CUL4B: variants seen among roughly 807,000 people sequenced by gnomAD.
CUL4B encodes cullin-4B.
A neutral mutation model predicts 69.2 loss-of-function variants in CUL4B; 1 was observed. The observed-to-expected ratio is 0.01, with a 90% CI of 0.01 to 0.07. The LOEUF (loss-of-function observed/expected upper bound fraction) is 0.07. Ranked by LOEUF, CUL4B falls within the 10% of genes least tolerant of loss-of-function variation. The pLI is 1.00. For missense variants in CUL4B, 328 were observed against 638.8 expected (o/e 0.51, Z 5.24); for synonymous variants, 237 against 223.2 (o/e 1.06, Z -0.55).
At chrX:120,566,379 A>ATATATG, upstream of CUL4B, among the ~76,000 whole-genome samples, 1 of 65,779 alleles carries the variant, frequency 1.5e-5, no homozygotes, top group African/African-American at 4.6e-5. Context: ...ATATATATAT[A>ATATATG]TATATATATA....
At chrX:120,559,648 A>G (rs1340837222) in intron 1 of CUL4B, 1 of 318,397 alleles carries the variant, frequency 3.1e-6, no homozygotes, top group South Asian at 4.3e-5. Context: ...TAAAAAGATC[A>G]CTATTGCTAC....
rs61752965 is a variant in CUL4B at position 120,535,891 on chromosome X, C to A, written c.2099G>T (p.Gly700Val). The change falls in exon 16 of 20, where the codon GGC (glycine) becomes GTC (valine). Residue 700 changes from glycine to valine, a missense_variant. Physicochemically the swap from Gly to Val is moderately radical, Grantham distance 109 (BLOSUM62 -3). Coordinates refer to ENST00000371322, the MANE Select transcript of CUL4B (RefSeq NM_001079872.2). ...GGTTGACTGCCACTGAAGTTTCCTGCCACTATGTTTGCCTAGGTAAAATGT... is the reference window on the plus strand; with the variant it reads ...GGTTGACTGCCACTGAAGTTTCCTGACACTATGTTTGCCTAGGTAAAATGT... ...FKTFYLGKHS[G>V]RKLQWQSTLG... The A allele has an allele frequency of 8.3e-7, 1 of 1,208,240 alleles. No individual in the cohort carries two copies.
intron 19 of CUL4B, among the ~76,000 whole-genome samples, chrX:120,528,232 C>T (rs4360414): frequency 0.53 from 56,141 of 106,913 alleles, 11,833 homozygotes; most frequent in Admixed American, 0.69. Context: ...CATGGCAAAA[C>T]CCCATCTGTA....
chrX:120,534,063 C>A (rs889649211), intron 17 of CUL4B, among the ~76,000 whole-genome samples: 3 of 108,833 alleles, frequency 2.8e-5, no homozygotes, highest in Non-Finnish European at 3.8e-5. Flanking sequence ...AAGATTCCGT[C>A]TTGAGGGGAA....
At chrX:120,539,758 T>C (rs1450565410) in intron 11 of CUL4B, among the ~76,000 whole-genome samples, 1 of 112,380 alleles carries the variant, frequency 8.9e-6, no homozygotes, top group Non-Finnish European at 1.9e-5. Flanking sequence ...GTAAGCAATC[T>C]TAAACATTAC....
At chrX:120,548,207 A>G (rs1469062853) in intron 2 of CUL4B, among the ~76,000 whole-genome samples, 1 of 110,548 alleles carries the variant, frequency 9.0e-6, no homozygotes, top group Non-Finnish European at 1.9e-5. Context: ...CCAAGAGTTC[A>G]AGGTTGAAGT....
chrX:120,553,721 T>G (rs771796486), intron 2 of CUL4B, among the ~76,000 whole-genome samples: 1 of 111,147 alleles, frequency 9.0e-6, no homozygotes, highest in African/African-American at 3.3e-5. Context: ...CTGGGCAACA[T>G]AGCAAGACCC....
rs756665325 is a variant in CUL4B at position 120,538,136 on chromosome X, A to G, written c.1926T>C (p.Ile642=). The G allele has an allele frequency of 3.3e-6, 4 of 1,194,670 alleles. No homozygotes were observed. The African/African-American group carries it at 7.0e-5, about 21-fold the overall frequency. ...KDMELSKDIM[I]QFKQYMQNQN... ...AACTCACTTTTACCTGTTTGAACTG[A>G]ATCATGATGTCTTTAGAAAGTTCCA... The change falls in exon 14 of 20, where the codon ATT becomes ATC. Residue 642 remains isoleucine (I), a synonymous_variant. Coordinates refer to ENST00000371322, the MANE Select transcript of CUL4B (RefSeq NM_001079872.2).
intron 1 of CUL4B, chrX:120,574,748 C>A (rs1210020419): frequency 6.4e-6 from 4 of 621,397 alleles, no homozygotes; most frequent in East Asian, 3.5e-5. Context: ...TCCATATCTT[C>A]AAGGAAATTA....
chrX:120,531,916 G>A (rs971623281), intron 18 of CUL4B, among the ~76,000 whole-genome samples: 6 of 110,804 alleles, frequency 5.4e-5, no homozygotes, highest in Non-Finnish European at 7.5e-5. Context: ...CAGCCTTTCC[G>A]GAACACAATA....
At chrX:120,568,130 G>A (rs1455068154), downstream of CUL4B, among the ~76,000 whole-genome samples, 2 of 111,206 alleles carry the variant, frequency 1.8e-5, no homozygotes, top group Non-Finnish European at 3.8e-5. Flanking sequence ...ATGCCTCTTG[G>A]AGGAAAAAAG....
At chrX:120,550,248 C>G (rs1289760778) in intron 2 of CUL4B, among the ~76,000 whole-genome samples, 1 of 112,060 alleles carries the variant, frequency 8.9e-6, no homozygotes, top group Non-Finnish European at 1.9e-5. Flanking sequence ...TCTCTGACTC[C>G]TTAATGACAG....
rs1326823942 is a variant in CUL4B at position 120,524,818 on chromosome X, G to GT, written c.*1942dup. ...AATTTTTCAGCTGAAACAGCATCAA[G>GT]TTTTCAAAGAATTAAGAGCCTCGGG... On this transcript the variant is annotated 3_prime_UTR_variant, in exon 20 of 20. Coordinates refer to ENST00000371322, the MANE Select transcript of CUL4B (RefSeq NM_001079872.2). 1 of 110,836 alleles carries GT rather than the reference G, an allele frequency of 9.0e-6. No homozygotes were observed. Among genetic ancestry groups the GT allele is most frequent in the Non-Finnish European group, 1.9e-5 (1 of 52,839 alleles). The allele number at this position is 110,836 out of a possible 1,213,427, so 9.1% of individuals were successfully genotyped here.
chrX:120,547,608 T>C (rs1383436100), intron 2 of CUL4B, among the ~76,000 whole-genome samples: 7 of 111,699 alleles, frequency 6.3e-5, no homozygotes, highest in Admixed American at 9.5e-5. Context: ...GGTGAGAGGA[T>C]TGCTTGATGC....
intron 2 of CUL4B, among the ~76,000 whole-genome samples, chrX:120,573,222 A>G (rs1925766368): frequency 8.9e-6 from 1 of 111,773 alleles, no homozygotes; most frequent in East Asian, 2.8e-4. Context: ...CTGTACATAT[A>G]GCTCTACAAT....
At chrX:120,555,345 CTGT>C (rs1390720569) in intron 2 of CUL4B, among the ~76,000 whole-genome samples, 1 of 111,861 alleles carries the variant, frequency 8.9e-6, no homozygotes, top group Non-Finnish European at 1.9e-5. Context: ...ATTAAATATG[CTGT>C]ATACCAGCAT....
intron 2 of CUL4B, among the ~76,000 whole-genome samples, chrX:120,552,748 T>TA (rs1343013290): frequency 9.0e-6 from 1 of 111,684 alleles, no homozygotes; most frequent in Non-Finnish European, 1.9e-5. Flanking sequence ...CAACAGACAA[T>TA]AAAAAAGATA....
rs370087735 is a variant in CUL4B, at chrX:120,536,124, G to A, written c.2047-181C>T. 3.5e-5 allele frequency among the ~76,000 whole-genome samples: 4 copies of A among 112,691 alleles called. No homozygotes were observed. The East Asian group carries it at 1.1e-3, about 31-fold the overall frequency. The stretch of plus-strand genomic sequence containing the variant: ...CCACCAAATCAAATGGGATTTATTA[G>A]GATTTATACCTTTTGCTCTCTCTGA... On this transcript the variant is annotated intron_variant, in intron 15 of 19. Coordinates refer to ENST00000371322, the MANE Select transcript of CUL4B (RefSeq NM_001079872.2).
chrX:120,574,056 A>T (rs1243656470), intron 2 of CUL4B, among the ~76,000 whole-genome samples: 1 of 108,231 alleles, frequency 9.2e-6, no homozygotes, highest in East Asian at 3.0e-4. Flanking sequence ...CGAATTCCTG[A>T]CCTCAGGTGA....
Sources: gnomAD v4.1 joint callset for allele counts (sites outside exome capture counted in the v4.1 genomes callset) on GRCh38, gnomAD v4.1.1 for gene constraint, MANE v1.5 for transcripts, NCBI Gene and HGNC (gene_info 2026-07-23, HGNC 2026-07-21) for gene names.